The following CFAP99 variants were observed in gnomAD, a reference collection of about 807,000 sequenced individuals.
The protein encoded by CFAP99 is cilia- and flagella-associated protein 99.
CFAP99 carries 84 observed loss-of-function variants against 82.7 expected under a neutral mutation model. The observed-to-expected ratio is 1.02, with a 90% CI of 0.85 to 1.22. The LOEUF is 1.22. Among genes scored for constraint, CFAP99 ranks in the 50% most tolerant of loss-of-function variants. CFAP99 has a pLI of 0.00. For synonymous variants in CFAP99, 456 were observed against 429.5 expected (o/e 1.06, Z -0.76); for missense variants, 1,059 against 983.5 (o/e 1.08, Z -1.03).
Position 2,443,316 on chromosome 4 carries a change from G to A in CFAP99, c.464+74G>A, listed in dbSNP as rs559093494. On this transcript the variant is annotated intron_variant, in intron 5 of 14. Coordinates refer to ENST00000635017, the Ensembl canonical transcript of CFAP99. ...ATTCCAGGTGCCTCCACGGGCACGG[G>A]AGCTCCACGTTCCCCTTCCTGCTCC... 2,591 of 878,866 alleles carry A rather than the reference G, an allele frequency of 2.9e-3. 5 individuals are homozygous for A. Among genetic ancestry groups the A allele is most frequent in the Non-Finnish European group, 4.2e-3 (2,290 of 549,006 alleles). The allele number at this position is 878,866 out of a possible 1,614,324, so 54.4% of individuals were successfully genotyped here.
At chr4:2,458,972 C>A in intron 12 of CFAP99, 108 bp downstream of exon 12, 1 of 1,450,396 alleles carries the variant, frequency 6.9e-7, no homozygotes. Context: ...GGTCAGGGAC[C>A]CCTTGAGGGA....
chr4:2,433,430 G>C (rs971957189), intron 2 of CFAP99, among the ~76,000 whole-genome samples: 78 of 151,458 alleles, frequency 5.1e-4, no homozygotes, highest in African/African-American at 1.8e-3. Flanking sequence ...CACGGGGCGG[G>C]GGGGGGACCA....
intron 11 of CFAP99, among the ~76,000 whole-genome samples, chr4:2,457,633 C>A (rs1734467458): frequency 6.6e-6 from 1 of 152,144 alleles, no homozygotes; most frequent in African/African-American, 2.4e-5. Flanking sequence ...CTGCTGCTTA[C>A]TGCCTGGAAA....
intron 2 of CFAP99, among the ~76,000 whole-genome samples, chr4:2,431,307 T>C (rs1376166735): frequency 6.6e-6 from 1 of 151,436 alleles, no homozygotes; most frequent in East Asian, 1.9e-4. Context: ...AGGCGGAGGT[T>C]GCAGTGAGTC....
chr4:2,426,483 A>G, exon 2 of CFAP99: 1 of 1,535,590 alleles, frequency 6.5e-7, no homozygotes, highest in Non-Finnish European at 8.7e-7. Context: ...AAGATGGCCT[A>G]CTATGGAAAA....
chr4:2,423,981 GGCCTGGT>G (rs1733634292), intron 1 of CFAP99, among the ~76,000 whole-genome samples: 1 of 152,250 alleles, frequency 6.6e-6, no homozygotes, highest in Non-Finnish European at 1.5e-5. Context: ...TGTTCTGGGA[GGCCTGGT>G]CTCCAGGGCC....
At chr4:2,427,551 G>A (rs931404540) in intron 2 of CFAP99, 13 of 152,368 alleles carry the variant, frequency 8.5e-5, no homozygotes, top group African/African-American at 2.4e-4. Flanking sequence ...TGCTAATTCA[G>A]GCTGCCTGCC....
At chr4:2,419,479 T>C (rs1438148888) in intron 1 of CFAP99, among the ~76,000 whole-genome samples, 1 of 152,140 alleles carries the variant, frequency 6.6e-6, no homozygotes, top group Non-Finnish European at 1.5e-5. Context: ...GGGGGTTGCA[T>C]CCAGATCACG....
At chr4:2,454,594 G>GTTTTTTTTTTTTTTTTTTTTT (rs1204498727) in intron 11 of CFAP99, among the ~76,000 whole-genome samples, 102 of 84,522 alleles carry the variant, frequency 1.2e-3, no homozygotes, top group East Asian at 2.9e-3. Context: ...TTTTTTTTTT[G>GTTTTTTTTTTTTTTTTTTTTT]TTTTTTTTTT....
chr4:2,421,628 C>T (rs984367153), intron 1 of CFAP99, among the ~76,000 whole-genome samples: 3 of 152,126 alleles, frequency 2.0e-5, no homozygotes, highest in Non-Finnish European at 2.9e-5. Context: ...GGATTACAGG[C>T]ATGAGCCACC....
intron 2 of CFAP99, chr4:2,428,648 G>C (rs551338081): frequency 1.3e-5 from 2 of 152,372 alleles, no homozygotes; most frequent in Non-Finnish European, 2.9e-5. Flanking sequence ...GGGGCCTTCC[G>C]ATCAGCTTCC....
intron 1 of CFAP99, among the ~76,000 whole-genome samples, chr4:2,422,571 C>G (rs1170376190): frequency 6.6e-6 from 1 of 152,164 alleles, no homozygotes; most frequent in African/African-American, 2.4e-5. Context: ...ACTGTTCCAC[C>G]TTGGCAGCAG....
At chr4:2,434,302 A>T (rs1354718340) in intron 2 of CFAP99, among the ~76,000 whole-genome samples, 1 of 152,172 alleles carries the variant, frequency 6.6e-6, no homozygotes, top group Non-Finnish European at 1.5e-5. Flanking sequence ...TCAGCCTCGA[A>T]GCTGGCTGAG....
chr4:2,456,322 C>T (rs1230756734), intron 11 of CFAP99, among the ~76,000 whole-genome samples: 1 of 151,996 alleles, frequency 6.6e-6, no homozygotes, highest in African/African-American at 2.4e-5. Context: ...CATAAGCCAC[C>T]ATGCCTGGCC....
rs1462759245 is a variant in CFAP99, at chr4:2,446,927, A to G, written c.642+1619A>G. ...CAAATGAATGGATGGGTATGTGGGT[A>G]AGTGGGTGGATGGATGTCAAATGGA... is the stretch of plus-strand genomic sequence containing the variant. On this transcript the variant is annotated intron_variant, in intron 6 of 14. Transcript: ENST00000635017. The surrounding 1 kb of genome is among the most constrained non-coding windows in gnomAD (Gnocchi z 5.0). Among the ~76,000 whole-genome samples, 1 of 151,722 alleles carries G rather than the reference A, an allele frequency of 6.6e-6. No individual in the cohort carries two copies. Among genetic ancestry groups the G allele is most frequent in the Non-Finnish European group, 1.5e-5 (1 of 67,956 alleles).
intron 2 of CFAP99, among the ~76,000 whole-genome samples, chr4:2,432,374 AAATATGGTT>A (rs1733816903): frequency 2.0e-5 from 3 of 152,218 alleles, no homozygotes; most frequent in African/African-American, 7.2e-5. Flanking sequence ...GAGAGTTGCA[AAATATGGTT>A]TTAGCTGGAC....
At chr4:2,421,902 A>C (rs555040368) in intron 1 of CFAP99, among the ~76,000 whole-genome samples, 114 of 151,352 alleles carry the variant, frequency 7.5e-4, no homozygotes, top group Non-Finnish European at 1.3e-3. Context: ...AAAATTAAGC[A>C]CAAAATTAGT....
intron 1 of CFAP99, among the ~76,000 whole-genome samples, chr4:2,422,472 T>C (rs1417409608): frequency 6.6e-6 from 1 of 152,166 alleles, no homozygotes; most frequent in Non-Finnish European, 1.5e-5. Context: ...GCCCTCTTCC[T>C]CCTCCTCGAT....
At chr4:2,424,186 A>C (rs1733638405) in intron 1 of CFAP99, among the ~76,000 whole-genome samples, 1 of 152,250 alleles carries the variant, frequency 6.6e-6, no homozygotes, top group Admixed American at 6.5e-5. Flanking sequence ...TGGGAGGCTG[A>C]GGCAGGCAGA....
Sources: gnomAD v4.1 joint callset for allele counts (sites outside exome capture counted in the v4.1 genomes callset) on GRCh38, gnomAD v4.1.1 for gene constraint, Gnocchi (gnomAD v3.1) non-coding constraint, MANE v1.5 for transcripts, NCBI Gene and HGNC (gene_info 2026-07-23, HGNC 2026-07-21) for gene names.